Variants in PTPRD observed in about 807,000 individuals in gnomAD.
The protein encoded by PTPRD is receptor-type tyrosine-protein phosphatase delta.
A neutral mutation model predicts 214.5 loss-of-function variants in PTPRD; 34 were observed. The ratio of observed to expected loss-of-function variants is 0.16; its 90% CI spans 0.12 to 0.21. The LOEUF is 0.21. PTPRD is among the 10% of genes least tolerant of loss of function. The probability of loss-of-function intolerance (pLI) is 1.00; values close to 1 mark genes in which losing one functional copy is unlikely to be tolerated. For synonymous variants in PTPRD, 1,128 were observed against 845.7 expected (o/e 1.33, Z -5.79); for missense variants, 2,545 against 2,398.7 (o/e 1.06, Z -1.27).
At chr9:10,237,525 A>T (rs1006047424) in intron 3 of PTPRD, among the ~76,000 whole-genome samples, 1 of 151,926 alleles carries the variant, frequency 6.6e-6, no homozygotes, top group Non-Finnish European at 1.5e-5. Context: ...ATTTGTTTAA[A>T]AATTTAAGCA....
chr9:8,981,255 A>T (rs760110993), intron 11 of PTPRD, among the ~76,000 whole-genome samples: 12 of 152,072 alleles, frequency 7.9e-5, no homozygotes, highest in Non-Finnish European at 1.6e-4. Flanking sequence ...AGTACTACTT[A>T]TTTCACTGCT....
chr9:10,210,408 A>G (rs1258655936), intron 3 of PTPRD, among the ~76,000 whole-genome samples: 1 of 152,094 alleles, frequency 6.6e-6, no homozygotes, highest in East Asian at 1.9e-4. Context: ...ACAATTACCA[A>G]TTATCCATGG....
intron 14 of PTPRD, among the ~76,000 whole-genome samples, chr9:8,550,894 G>T (rs2081896251): frequency 1.3e-5 from 2 of 152,182 alleles, no homozygotes; most frequent in Non-Finnish European, 2.9e-5. Flanking sequence ...GGTATGAAAA[G>T]AATATTCTCT....
At chr9:10,567,307 A>C (rs2065921540) in intron 2 of PTPRD, among the ~76,000 whole-genome samples, 1 of 152,178 alleles carries the variant, frequency 6.6e-6, no homozygotes, top group Non-Finnish European at 1.5e-5. Flanking sequence ...TTCAAGGAAA[A>C]AATCTATCAC....
intron 5 of PTPRD, among the ~76,000 whole-genome samples, chr9:9,846,450 C>G (rs1471383690): frequency 5.9e-5 from 9 of 152,096 alleles, no homozygotes; most frequent in East Asian, 1.9e-4. Context: ...GCCCTTAAAA[C>G]TACTATAAAT....
intron 10 of PTPRD, among the ~76,000 whole-genome samples, chr9:9,115,387 A>G (rs1011097391): frequency 1.3e-5 from 2 of 152,192 alleles, no homozygotes; most frequent in African/African-American, 4.8e-5. Flanking sequence ...AATGTTCACC[A>G]TCACTAATCA....
chr9:9,635,843 A>G (rs2095749047), intron 7 of PTPRD, among the ~76,000 whole-genome samples: 1 of 152,034 alleles, frequency 6.6e-6, no homozygotes, highest in Non-Finnish European at 1.5e-5. Flanking sequence ...ACTTCTCTAC[A>G]TTTTCACTAC....
intron 8 of PTPRD, among the ~76,000 whole-genome samples, chr9:9,554,073 T>C (rs898274903): frequency 2.0e-5 from 3 of 152,080 alleles, no homozygotes; most frequent in African/African-American, 2.4e-5. Context: ...AAAAGTTAGA[T>C]TGAAACTTCA....
chr9:10,175,211 A>C (rs1486649645), intron 3 of PTPRD, among the ~76,000 whole-genome samples: 1 of 152,050 alleles, frequency 6.6e-6, no homozygotes, highest in Non-Finnish European at 1.5e-5. Context: ...CTTAAATCTG[A>C]TAAGGTCACT....
chr9:9,203,373 C>G (rs2099943011), intron 9 of PTPRD, among the ~76,000 whole-genome samples: 1 of 152,146 alleles, frequency 6.6e-6, no homozygotes, highest in Non-Finnish European at 1.5e-5. Flanking sequence ...CATTTTAAAA[C>G]CTTACCCATT....
chr9:10,075,702 G>T (rs978501890), intron 3 of PTPRD, among the ~76,000 whole-genome samples: 4 of 151,684 alleles, frequency 2.6e-5, no homozygotes, highest in Non-Finnish European at 5.9e-5. Flanking sequence ...AAAATTGGTT[G>T]TGCTCTGGAT....
At chr9:8,938,796 CA>C in intron 11 of PTPRD, among the ~76,000 whole-genome samples, 1 of 152,088 alleles carries the variant, frequency 6.6e-6, no homozygotes, top group Admixed American at 6.6e-5. Flanking sequence ...TTCTACAAAG[CA>C]AATTTGAGCT....
In PTPRD at chr9:10,032,048, G is replaced by C. The variant is rs541896807; in HGVS notation, c.-472+1670C>G. On this transcript the variant is annotated intron_variant, in intron 4 of 45. Coordinates refer to ENST00000381196, the MANE Select transcript of PTPRD (RefSeq NM_002839.4). ...TTAACATCCTACCTGCCTAGTTTTG[G>C]AGTTGAACTGAGGATTAATTAAATG... 8.9e-4 allele frequency among the ~76,000 whole-genome samples: 136 copies of C among 152,160 alleles called. 1 individual carries two copies. Among genetic ancestry groups the C allele is most frequent in the African/African-American group, 3.3e-3 (136 of 41,532 alleles).
rs140920482 is a variant in PTPRD, at chr9:9,412,423, C to T, written c.-236-14941G>A. Among the ~76,000 whole-genome samples the T allele has an allele frequency of 5.4e-3, 822 of 152,140 alleles. 5 individuals are homozygous for T. Among genetic ancestry groups the T allele is most frequent in the Middle Eastern group, 0.031 (9 of 294 alleles). The stretch of plus-strand genomic sequence containing the variant: ...GCACTGCAGCCACTGTGGTTGCCTT[C>T]CCAGCATGCAGCCCATACAGGTCTG... On this transcript the variant is annotated intron_variant, in intron 8 of 45. Transcript: ENST00000381196.
At chr9:10,353,975 G>C (rs186429606) in intron 2 of PTPRD, among the ~76,000 whole-genome samples, 8 of 152,056 alleles carry the variant, frequency 5.3e-5, no homozygotes, top group Middle Eastern at 3.4e-3. Context: ...TGAAGCATAA[G>C]AAAGACATAA....
At chr9:9,824,877 A>C (rs1009775390) in intron 5 of PTPRD, among the ~76,000 whole-genome samples, 2 of 152,032 alleles carry the variant, frequency 1.3e-5, no homozygotes, top group Non-Finnish European at 2.9e-5. Context: ...AGGCACAAAA[A>C]TGAAAGGCCC....
At chr9:10,072,641 T>C (rs775574877) in intron 3 of PTPRD, among the ~76,000 whole-genome samples, 27 of 152,234 alleles carry the variant, frequency 1.8e-4, no homozygotes, top group Admixed American at 4.6e-4. Context: ...CTCCCTGCAA[T>C]TGACTGCTTT....
At chr9:10,142,511 A>T (rs2098993163) in intron 3 of PTPRD, among the ~76,000 whole-genome samples, 1 of 152,138 alleles carries the variant, frequency 6.6e-6, no homozygotes, top group Non-Finnish European at 1.5e-5. Flanking sequence ...GCATCCAAAA[A>T]ACACATGAAA....
At chr9:10,353,347 T>C (rs1454244098) in intron 2 of PTPRD, among the ~76,000 whole-genome samples, 3 of 151,960 alleles carry the variant, frequency 2.0e-5, no homozygotes, top group African/African-American at 4.8e-5. Flanking sequence ...ATCTAATGCT[T>C]TTCCTTTTCC....
Sources: allele counts gnomAD v4.1 joint callset (sites outside exome capture counted in the v4.1 genomes callset), GRCh38; gene constraint gnomAD v4.1.1; transcripts MANE v1.5; gene names NCBI Gene and HGNC (gene_info 2026-07-23, HGNC 2026-07-21).